Variants in ATOSA observed in about 807,000 individuals in gnomAD.
ATOSA encodes the protein atos homolog A, also known as atos homolog protein A.
At chr15:52,624,618 G>A in the ATOSA span, among the ~76,000 whole-genome samples, 7 of 152,128 alleles carry the variant, frequency 4.6e-5, no homozygotes, top group African/African-American at 9.7e-5. Context: ...AATTCAGCAC[G>A]ATTTGACAGC....
chr15:52,700,345 C>A, the ATOSA span, among the ~76,000 whole-genome samples: 1 of 152,166 alleles, frequency 6.6e-6, no homozygotes, highest in South Asian at 2.1e-4. Flanking sequence ...TAATATATAA[C>A]CCACAGTGTA....
the ATOSA span, among the ~76,000 whole-genome samples, chr15:52,619,975 A>C: frequency 6.6e-6 from 1 of 152,214 alleles, no homozygotes; most frequent in Admixed American, 6.5e-5. Context: ...ATGAAAACAC[A>C]GTTCTGGGGG....
chr15:52,703,953 T>G, the ATOSA span, among the ~76,000 whole-genome samples: 3 of 152,134 alleles, frequency 2.0e-5, no homozygotes, highest in Non-Finnish European at 2.9e-5. Context: ...TTGGTGTGAC[T>G]TCCAGGATAT....
the ATOSA span, chr15:52,611,384 T>TA: frequency 5.5e-6 from 7 of 1,281,020 alleles, no homozygotes; most frequent in Non-Finnish European, 4.3e-6. Flanking sequence ...GGAATACACT[T>TA]ACGATGTCAC....
At chr15:52,617,747 T>C in the ATOSA span, among the ~76,000 whole-genome samples, 1 of 133,914 alleles carries the variant, frequency 7.5e-6, no homozygotes, top group Non-Finnish European at 1.5e-5. Flanking sequence ...ATAAATAAAT[T>C]TTATTTAAAT....
the ATOSA span, among the ~76,000 whole-genome samples, chr15:52,705,748 C>A: frequency 6.6e-5 from 10 of 152,280 alleles, 1 homozygote; most frequent in East Asian, 1.9e-3. Context: ...AGCACCAACA[C>A]CCCCAGCCCC....
At chr15:52,611,971 G>C in the ATOSA span, among the ~76,000 whole-genome samples, 3 of 152,046 alleles carry the variant, frequency 2.0e-5, no homozygotes, top group East Asian at 5.8e-4. Context: ...AGAGTGCAAG[G>C]ATTAGTAATG....
the ATOSA span, among the ~76,000 whole-genome samples, chr15:52,615,842 T>C: frequency 6.6e-6 from 1 of 152,234 alleles, no homozygotes; most frequent in Admixed American, 6.5e-5. Context: ...ACACGTCAAC[T>C]GATTTAATCC....
At chr15:52,608,855 C>T in the ATOSA span, 1 of 1,609,208 alleles carries the variant, frequency 6.2e-7, no homozygotes, top group African/African-American at 1.3e-5. Flanking sequence ...AACACAGTAA[C>T]TTTTATTTTT....
chr15:52,602,846 C>G, the ATOSA span, among the ~76,000 whole-genome samples: 1 of 152,170 alleles, frequency 6.6e-6, no homozygotes, highest in Non-Finnish European at 1.5e-5. Flanking sequence ...CTGTTCTCAG[C>G]AGGGGAACTG....
At chr15:52,647,223 G>A in the ATOSA span, among the ~76,000 whole-genome samples, 1 of 127,102 alleles carries the variant, frequency 7.9e-6, no homozygotes, top group Non-Finnish European at 1.7e-5. Context: ...GCAAATTGGA[G>A]GGCTAAATTA....
the ATOSA span, among the ~76,000 whole-genome samples, chr15:52,589,766 A>C: frequency 6.6e-6 from 1 of 152,142 alleles, no homozygotes; most frequent in South Asian, 2.1e-4. Flanking sequence ...ATTTAACACA[A>C]AAGAGAAAAA....
the ATOSA span, among the ~76,000 whole-genome samples, chr15:52,675,486 CT>C: frequency 6.6e-6 from 1 of 152,210 alleles, no homozygotes; most frequent in Non-Finnish European, 1.5e-5. Context: ...TATTTAGAAA[CT>C]TTAACTCTTT....
chr15:52,593,429 A>C, the ATOSA span: 3 of 685,010 alleles, frequency 4.4e-6, no homozygotes, highest in East Asian at 8.9e-5. Context: ...CTAGCTTAGA[A>C]AGAAGTTGTG....
chr15:52,589,192 C>T, the ATOSA span, among the ~76,000 whole-genome samples: 1 of 152,198 alleles, frequency 6.6e-6, no homozygotes, highest in Non-Finnish European at 1.5e-5. Flanking sequence ...GAAACTTTAA[C>T]AATTTATCTC....
chr15:52,651,001 C>A, the ATOSA span, among the ~76,000 whole-genome samples: 1 of 152,154 alleles, frequency 6.6e-6, no homozygotes, highest in African/African-American at 2.4e-5. Flanking sequence ...ATCTGTTGAA[C>A]AGACCAATTT....
At chr15:52,607,257 C>A in the ATOSA span, among the ~76,000 whole-genome samples, 11 of 152,296 alleles carry the variant, frequency 7.2e-5, no homozygotes, top group South Asian at 2.3e-3. Context: ...AAGTCATTAA[C>A]TGACCAATGG....
the ATOSA span, among the ~76,000 whole-genome samples, chr15:52,634,208 G>A: frequency 3.3e-5 from 5 of 152,184 alleles, no homozygotes; most frequent in South Asian, 2.1e-4. Flanking sequence ...CAGGCTGGGC[G>A]GATCACCTGA....
chr15:52,656,612 A>G, the ATOSA span: 1 of 152,114 alleles, frequency 6.6e-6, no homozygotes, highest in Non-Finnish European at 1.5e-5. Flanking sequence ...AGATCTTGGA[A>G]AGAAGAAAAT....
Sources: gnomAD v4.1 joint callset for allele counts (sites outside exome capture counted in the v4.1 genomes callset) on GRCh38, gnomAD v4.1.1 for gene constraint, MANE v1.5 for transcripts, NCBI Gene and HGNC (gene_info 2026-07-23, HGNC 2026-07-21) for gene names.